The following NUDCD3 variants were observed in gnomAD, a reference collection of about 807,000 sequenced individuals.
The protein encoded by NUDCD3 is nudC domain-containing protein 3.
In NUDCD3, 13 loss-of-function variants were observed where a neutral mutation model predicts 39.7. The observed-to-expected ratio is 0.33, with a 90% CI of 0.21 to 0.52. The LOEUF (loss-of-function observed/expected upper bound fraction) is 0.52. NUDCD3 is among the 20% of genes least tolerant of loss of function. NUDCD3 has a pLI of 0.96. For synonymous variants in NUDCD3, 175 were observed against 172.4 expected (o/e 1.02, Z -0.12); for missense variants, 453 against 458.1 (o/e 0.99, Z 0.10).
intron 2 of NUDCD3, chr7:44,468,395 G>C: frequency 9.5e-7 from 1 of 1,053,820 alleles, no homozygotes; most frequent in Non-Finnish European, 1.3e-6. Context: ...GGCCCAGGGA[G>C]ACGAAAGAAT....
At chr7:44,442,622 C>T (rs1050606424) in intron 2 of NUDCD3, among the ~76,000 whole-genome samples, 1 of 152,160 alleles carries the variant, frequency 6.6e-6, no homozygotes, top group African/African-American at 2.4e-5. Context: ...AATTACTTTC[C>T]TCTTACCCTC....
intron 1 of NUDCD3, 45 bp downstream of exon 1, chr7:44,490,364 G>A: frequency 2.0e-6 from 3 of 1,480,100 alleles, no homozygotes; most frequent in Middle Eastern, 2.3e-4. Flanking sequence ...AGTCAGGGCA[G>A]GCCGGGGGCG....
At chr7:44,488,527 C>T (rs965578331) in intron 1 of NUDCD3, among the ~76,000 whole-genome samples, 4 of 152,000 alleles carry the variant, frequency 2.6e-5, no homozygotes, top group Admixed American at 6.6e-5. Flanking sequence ...TGGCTCTTCT[C>T]TCTCCCTCGG....
chr7:44,481,041 T>C (rs1800481233), intron 2 of NUDCD3, among the ~76,000 whole-genome samples: 1 of 151,818 alleles, frequency 6.6e-6, no homozygotes, highest in Admixed American at 6.6e-5. Context: ...TTGTCATTAT[T>C]CCCCAAATAA....
chr7:44,403,972 A>G (rs941253122), intron 4 of NUDCD3, among the ~76,000 whole-genome samples: 1 of 152,210 alleles, frequency 6.6e-6, no homozygotes, highest in African/African-American at 2.4e-5. Context: ...CCAGGCGTGC[A>G]GCCCAATTTG....
chr7:44,474,431 G>A (rs529556959), intron 2 of NUDCD3, among the ~76,000 whole-genome samples: 39 of 152,222 alleles, frequency 2.6e-4, no homozygotes, highest in Admixed American at 1.4e-3. Flanking sequence ...TTTAAGCAAA[G>A]CACTTGACCA....
Position 44,385,340 on chromosome 7 carries a change from T to A in NUDCD3, c.*671A>T, listed in dbSNP as rs1798383072. The A allele has an allele frequency of 6.6e-6, 1 of 152,316 alleles. No homozygotes were observed. Among genetic ancestry groups the A allele is most frequent in the South Asian group, 2.1e-4 (1 of 4,822 alleles). The allele number at this position is 152,316 out of a possible 1,614,324, so 9.4% of individuals were successfully genotyped here. A position where few individuals can be genotyped will look rare whatever the true frequency, so the allele number is the denominator to read the frequency against. On this transcript the variant is annotated 3_prime_UTR_variant, in exon 6 of 6. Coordinates refer to ENST00000355451, the MANE Select transcript of NUDCD3 (RefSeq NM_015332.4). The stretch of plus-strand genomic sequence containing the variant: ...CACAGTCAGAGAACAGAATCCCCGC[T>A]GCATCTGGACCTGAGCCCAGAACCT...
At chr7:44,412,443 T>G (rs937235420) in intron 3 of NUDCD3, among the ~76,000 whole-genome samples, 2 of 152,246 alleles carry the variant, frequency 1.3e-5, no homozygotes, top group Non-Finnish European at 2.9e-5. Flanking sequence ...GTTCTATCTG[T>G]ATTTTTTAAA....
intron 2 of NUDCD3, among the ~76,000 whole-genome samples, chr7:44,464,607 C>T (rs1433336013): frequency 1.3e-5 from 2 of 152,130 alleles, no homozygotes; most frequent in Non-Finnish European, 2.9e-5. Context: ...GCATGTACCA[C>T]CAAACCCAGC....
intron 2 of NUDCD3, among the ~76,000 whole-genome samples, chr7:44,464,061 A>C (rs1800071355): frequency 6.6e-6 from 1 of 151,886 alleles, no homozygotes; most frequent in African/African-American, 2.4e-5. Flanking sequence ...TAAAAATACA[A>C]AAATTAGCCA....
intron 2 of NUDCD3, among the ~76,000 whole-genome samples, chr7:44,477,298 T>A (rs307015): frequency 0.017 from 2,556 of 152,204 alleles, 56 homozygotes; most frequent in African/African-American, 0.057. Context: ...CTGTTCCTCA[T>A]CCAAAGGACA....
intron 2 of NUDCD3, among the ~76,000 whole-genome samples, chr7:44,432,934 C>A (rs889411763): frequency 6.6e-6 from 1 of 152,172 alleles, no homozygotes; most frequent in African/African-American, 2.4e-5. Context: ...TCCCCTAAAA[C>A]GTGTATCTTG....
At chr7:44,426,485 G>C (rs1293708750) in intron 3 of NUDCD3, among the ~76,000 whole-genome samples, 3 of 152,090 alleles carry the variant, frequency 2.0e-5, no homozygotes, top group Admixed American at 6.5e-5. Context: ...CCACCTATGT[G>C]AATGGAGGAA....
intron 2 of NUDCD3, among the ~76,000 whole-genome samples, chr7:44,476,713 C>T (rs968045708): frequency 6.6e-6 from 1 of 152,140 alleles, no homozygotes; most frequent in African/African-American, 2.4e-5. Context: ...TCGGCATGCA[C>T]TGGGGGGGTC....
chr7:44,428,123 TAAA>T (rs55642004), intron 2 of NUDCD3, among the ~76,000 whole-genome samples: 2 of 76,102 alleles, frequency 2.6e-5, no homozygotes, highest in Non-Finnish European at 2.5e-5. Flanking sequence ...GGTCAATCTT[TAAA>T]AAAAAAAAAA....
At chr7:44,481,551 TTGAC>T (rs998457705) in intron 2 of NUDCD3, 10 of 152,344 alleles carry the variant, frequency 6.6e-5, no homozygotes, top group African/African-American at 2.4e-4. Flanking sequence ...AGATGAGTGT[TTGAC>T]TGAATAACCA....
At chr7:44,462,200 A>T (rs1018430561) in intron 2 of NUDCD3, among the ~76,000 whole-genome samples, 1 of 152,198 alleles carries the variant, frequency 6.6e-6, no homozygotes, top group Admixed American at 6.5e-5. Context: ...GAGAAAAAGA[A>T]ATGCGTATTA....
chr7:44,439,863 C>T (rs1446682923), intron 2 of NUDCD3, among the ~76,000 whole-genome samples: 3 of 151,792 alleles, frequency 2.0e-5, no homozygotes, highest in African/African-American at 7.2e-5. Flanking sequence ...GCCATTAAAA[C>T]ATAATTGCCA....
intron 2 of NUDCD3, 149 bp downstream of exon 2, chr7:44,484,819 A>C: frequency 1.5e-6 from 1 of 663,328 alleles, no homozygotes; most frequent in Non-Finnish European, 2.5e-6. Flanking sequence ...TAACTGAAAG[A>C]CTGTAATGCA....
Sources: allele counts gnomAD v4.1 joint callset (sites outside exome capture counted in the v4.1 genomes callset), GRCh38; gene constraint gnomAD v4.1.1; transcripts MANE v1.5; gene names NCBI Gene and HGNC (gene_info 2026-07-23, HGNC 2026-07-21).